The following MAN2A1 variants were observed in gnomAD, a reference collection of about 807,000 sequenced individuals.
MAN2A1 encodes mannosidase alpha class 2A member 1.
MAN2A1 carries 76 observed loss-of-function variants against 142.6 expected under a neutral mutation model. The observed-to-expected ratio is 0.53, with a 90% CI of 0.44 to 0.65. MAN2A1 has a LOEUF of 0.65. Among genes scored for constraint, MAN2A1 ranks in the 30% least tolerant of loss-of-function variants. MAN2A1 has a pLI of 0.00. For synonymous variants in MAN2A1, 559 were observed against 473.2 expected (o/e 1.18, Z -2.35); for missense variants, 1,311 against 1,365.1 (o/e 0.96, Z 0.62).
chr5:109,743,362 G>A (rs1409879486), intron 4 of MAN2A1, among the ~76,000 whole-genome samples: 1 of 152,156 alleles, frequency 6.6e-6, no homozygotes, highest in Non-Finnish European at 1.5e-5. Flanking sequence ...AGTGGCAATA[G>A]TAAGAGATAA....
At chr5:109,749,131 T>C (rs900258098) in intron 4 of MAN2A1, among the ~76,000 whole-genome samples, 7 of 152,160 alleles carry the variant, frequency 4.6e-5, no homozygotes. Flanking sequence ...CATGTGAAAT[T>C]AATTTGTGAT....
chr5:109,819,777 G>A lies in MAN2A1; in HGVS notation c.2218G>A (p.Val740Ile). The A allele has an allele frequency of 2.5e-6, 4 of 1,609,566 alleles. No individual in the cohort carries two copies. The highest frequency in any genetic ancestry group is 3.4e-6 in the Non-Finnish European group (4 of 1,176,796). The part of the protein sequence containing the change: ...LADYVLYKNK[V>I]EDSGIFTIKN... The stretch of plus-strand genomic sequence containing the variant: ...TGATTATGTCTTGTATAAGAATAAA[G>A]TAGAAGATAGCGGAATTTTCACCAT... Residue 740 changes from valine to isoleucine, a missense_variant, in exon 14 of 22, where the codon GTA becomes ATA. Physicochemically the swap from Val to Ile is conservative, Grantham distance 29. Transcript: ENST00000261483.
intron 19 of MAN2A1, among the ~76,000 whole-genome samples, chr5:109,850,754 T>C (rs1755462929): frequency 6.6e-6 from 1 of 152,192 alleles, no homozygotes; most frequent in Non-Finnish European, 1.5e-5. Context: ...AAATAATTTG[T>C]TTATTCCCAT....
intron 5 of MAN2A1, among the ~76,000 whole-genome samples, chr5:109,758,406 T>A (rs1752747553): frequency 6.6e-6 from 1 of 151,886 alleles, no homozygotes. Context: ...GAATTTTTTT[T>A]ATATATTGTG....
intron 1 of MAN2A1, among the ~76,000 whole-genome samples, chr5:109,708,593 T>C (rs1209410185): frequency 2.7e-5 from 4 of 147,148 alleles, no homozygotes; most frequent in Non-Finnish European, 6.0e-5. Context: ...TTATGGAGAC[T>C]GAGAAGTTCC....
Position 109,866,944 on chromosome 5 carries a change from T to C in MAN2A1, c.3381T>C (p.Ser1127=). 6.2e-7 allele frequency: 1 copy of C among 1,609,574 alleles called. No individual in the cohort carries two copies. Among genetic ancestry groups the C allele is most frequent in the Non-Finnish European group, 8.5e-7 (1 of 1,176,444 alleles). Residue 1127 remains serine, a synonymous_variant, in exon 22 of 22, where the codon AGT becomes AGC. Coordinates refer to ENST00000261483, the MANE Select transcript of MAN2A1 (RefSeq NM_002372.4). ...CACCTCCCGGCACTCAGAATATAAG[T>C]GAGATCAACTTGAGTCCAATGGAAA... ...MHSPPGTQNI[S]EINLSPMEIS...
At chr5:109,726,041 G>T (rs1359065375) in intron 3 of MAN2A1, among the ~76,000 whole-genome samples, 1 of 152,134 alleles carries the variant, frequency 6.6e-6, no homozygotes, top group East Asian at 1.9e-4. Flanking sequence ...GGTGGTAATA[G>T]TGTTAGAATG....
rs568511560 is a variant in MAN2A1, at chr5:109,795,764, A to G, written c.1943+6237A>G. ...TAGAAAAGTGAACAAATATTTTTCT[A>G]TTGGAAGAGTGCTACTTTTGAGGCT... is the stretch of plus-strand genomic sequence containing the variant. On this transcript the variant is annotated intron_variant, in intron 12 of 21. Coordinates refer to ENST00000261483, the MANE Select transcript of MAN2A1 (RefSeq NM_002372.4). 4.6e-4 allele frequency among the ~76,000 whole-genome samples: 70 copies of G among 152,334 alleles called. 2 individuals carry two copies. The South Asian group carries it at 0.014, about 30-fold the overall frequency.
At chr5:109,772,345 G>C (rs985691064) in intron 7 of MAN2A1, among the ~76,000 whole-genome samples, 1 of 152,182 alleles carries the variant, frequency 6.6e-6, no homozygotes, top group Non-Finnish European at 1.5e-5. Context: ...CTCCAGCCTG[G>C]GTGACAGAGT....
intron 12 of MAN2A1, among the ~76,000 whole-genome samples, chr5:109,804,769 C>T (rs1173123679): frequency 6.6e-6 from 1 of 152,082 alleles, no homozygotes; most frequent in East Asian, 1.9e-4. Flanking sequence ...ACCTGGAAAC[C>T]TCACACAGGA....
intron 5 of MAN2A1, among the ~76,000 whole-genome samples, chr5:109,760,971 A>G (rs1164583203): frequency 1.3e-5 from 2 of 151,852 alleles, no homozygotes; most frequent in Non-Finnish European, 2.9e-5. Context: ...TTTGTCACAT[A>G]TATGCTATAT....
rs763262788 is a variant in MAN2A1 at position 109,784,824 on chromosome 5, A to C, written c.1658A>C (p.Tyr553Ser). Residue 553 changes from tyrosine (Y) to serine (S), a missense_variant, in exon 10 of 22, where the codon TAC (tyrosine) becomes TCC (serine). Coordinates refer to ENST00000261483, the MANE Select transcript of MAN2A1 (RefSeq NM_002372.4). The stretch of plus-strand genomic sequence containing the variant: ...AATAAATTTCTCTCATCATCACTTT[A>C]CACGGCACTGACAGAAGCCAGAAGG... The part of the protein sequence containing the change: ...KINKFLSSSL[Y>S]TALTEARRNL... The C allele has an allele frequency of 1.9e-6, 3 of 1,612,986 alleles. No homozygotes were observed. Among genetic ancestry groups the C allele is most frequent in the Non-Finnish European group, 2.5e-6 (3 of 1,179,438 alleles).
At chr5:109,764,483 G>A (rs909871095) in intron 5 of MAN2A1, among the ~76,000 whole-genome samples, 1 of 151,960 alleles carries the variant, frequency 6.6e-6, no homozygotes, top group Non-Finnish European at 1.5e-5. Flanking sequence ...TCCTAAGTTT[G>A]CCCCTTACCC....
At chr5:109,785,960 T>C (rs776876406) in intron 10 of MAN2A1, among the ~76,000 whole-genome samples, 1 of 152,132 alleles carries the variant, frequency 6.6e-6, no homozygotes, top group African/African-American at 2.4e-5. Flanking sequence ...TCACGACTTA[T>C]ATTACTAATT....
At chr5:109,703,894 G>C (rs918578175) in intron 1 of MAN2A1, among the ~76,000 whole-genome samples, 1 of 152,148 alleles carries the variant, frequency 6.6e-6, no homozygotes, top group African/African-American at 2.4e-5. Flanking sequence ...GGTAGTTTCT[G>C]TGCAGCCATA....
At chr5:109,795,988 T>C (rs1310192623) in intron 12 of MAN2A1, among the ~76,000 whole-genome samples, 1 of 152,170 alleles carries the variant, frequency 6.6e-6, no homozygotes, top group Non-Finnish European at 1.5e-5. Context: ...AGTCTTTCAG[T>C]TGTGTGATTA....
chr5:109,740,258 G>A (rs1179369482), intron 4 of MAN2A1, among the ~76,000 whole-genome samples: 3 of 152,176 alleles, frequency 2.0e-5, no homozygotes, highest in African/African-American at 7.2e-5. Context: ...AAGGTGTCCT[G>A]GTTGTAAATA....
At chr5:109,809,418 C>T (rs939548083) in intron 12 of MAN2A1, among the ~76,000 whole-genome samples, 5 of 152,014 alleles carry the variant, frequency 3.3e-5, no homozygotes, top group Admixed American at 6.6e-5. Context: ...GAAGACTTAA[C>T]GTTTCTTTCA....
At chr5:109,831,918 A>G (rs1307564259) in intron 16 of MAN2A1, among the ~76,000 whole-genome samples, 1 of 151,840 alleles carries the variant, frequency 6.6e-6, no homozygotes, top group Non-Finnish European at 1.5e-5. Flanking sequence ...TATTATTTGT[A>G]TGCAGTTGGT....
Sources: allele counts gnomAD v4.1 joint callset (sites outside exome capture counted in the v4.1 genomes callset), GRCh38; gene constraint gnomAD v4.1.1; transcripts MANE v1.5; gene names NCBI Gene and HGNC (gene_info 2026-07-23, HGNC 2026-07-21).